Variants in IREB2 observed in about 807,000 individuals in gnomAD.
IREB2 encodes iron responsive element binding protein 2, also known as iron-responsive element-binding protein 2.
A neutral mutation model predicts 118.8 loss-of-function variants in IREB2; 39 were observed. The observed-to-expected ratio is 0.33, with a 90% CI of 0.25 to 0.43. The LOEUF (loss-of-function observed/expected upper bound fraction) is 0.43. Ranked by LOEUF, IREB2 falls within the 20% of genes least tolerant of loss-of-function variation. IREB2 has a pLI of 1.00. For missense variants in IREB2, 900 were observed against 1,147.3 expected, an observed-to-expected ratio of 0.78 and a Z score of 3.11; for synonymous variants, 372 against 392.2, an observed-to-expected ratio of 0.95 and a Z score of 0.61.
intron 8 of IREB2, chr15:78,475,484 A>C (rs1202925798): frequency 6.6e-6 from 1 of 152,204 alleles, no homozygotes; most frequent in Non-Finnish European, 1.5e-5. Context: ...TTAAATATAC[A>C]GTTTCATCAG....
rs371154744 is a variant in IREB2 at position 78,439,576 on chromosome 15, A to C, written c.20-219A>C. ...GCCCTGTGTGACTTTAAATTAATCA[A>C]AATTAAATAAATTAAAAATTCAGTT... On this transcript the variant is annotated intron_variant, in intron 1 of 21. Coordinates refer to ENST00000258886, the MANE Select transcript of IREB2 (RefSeq NM_004136.4). 9.3e-4 allele frequency among the ~76,000 whole-genome samples: 142 copies of C among 152,346 alleles called. 1 individual carries two copies. The highest frequency in any genetic ancestry group is 3.2e-3 in the African/African-American group (135 of 41,576).
chr15:78,471,948 T>G, intron 7 of IREB2, 24 bp downstream of exon 7: 1 of 1,482,258 alleles, frequency 6.7e-7, no homozygotes, highest in South Asian at 1.4e-5. Flanking sequence ...TAAATATATT[T>G]CATTTCTTTT....
chr15:78,445,236 C>T (rs2050910260), intron 2 of IREB2, among the ~76,000 whole-genome samples: 1 of 151,174 alleles, frequency 6.6e-6, no homozygotes, highest in Non-Finnish European at 1.5e-5. Context: ...CTCCTGGGTT[C>T]AAGTGATTCT....
chr15:78,491,373 CAA>C (rs2051747594), intron 18 of IREB2, among the ~76,000 whole-genome samples: 1 of 152,070 alleles, frequency 6.6e-6, no homozygotes, highest in African/African-American at 2.4e-5. Context: ...ACAATAGAGA[CAA>C]AGTTTTGTTA....
intron 8 of IREB2, chr15:78,474,713 A>C (rs1194665730): frequency 6.6e-6 from 1 of 151,974 alleles, no homozygotes; most frequent in Non-Finnish European, 1.5e-5. Context: ...TTTTGATGAG[A>C]GCAGCATTTG....
chr15:78,450,455 T>C (rs979859459), intron 2 of IREB2, among the ~76,000 whole-genome samples: 3 of 152,122 alleles, frequency 2.0e-5, no homozygotes, highest in African/African-American at 7.2e-5. Context: ...GAGAAGTATA[T>C]TGGTTTTGGC....
At chr15:78,492,977 G>A (rs2051776676) in intron 18 of IREB2, among the ~76,000 whole-genome samples, 1 of 152,092 alleles carries the variant, frequency 6.6e-6, no homozygotes, top group Admixed American at 6.6e-5. Context: ...GCAATCACTG[G>A]TAACATTCCA....
At chr15:78,458,564 C>T (rs2656064) in intron 2 of IREB2, among the ~76,000 whole-genome samples, 4,878 of 152,148 alleles carry the variant, frequency 0.032, 266 homozygotes, top group African/African-American at 0.11. Context: ...CATGAGCCAC[C>T]GTTCCCAGCT....
intron 2 of IREB2, among the ~76,000 whole-genome samples, chr15:78,446,609 A>G (rs988893713): frequency 6.6e-6 from 1 of 152,114 alleles, no homozygotes. Flanking sequence ...CACTTTGTAC[A>G]TGGCCTCAAA....
intron 2 of IREB2, among the ~76,000 whole-genome samples, chr15:78,444,347 A>G (rs1280882939): frequency 6.6e-6 from 1 of 152,236 alleles, no homozygotes; most frequent in Non-Finnish European, 1.5e-5. Context: ...ACTATGTTGA[A>G]TGAAGGGGAA....
chr15:78,462,966 C>T lies in IREB2; in HGVS notation c.151C>T (p.Arg51Ter). ...SIRVLLEAAVRNCDGFLMKKE... is the reference protein window; with the variant it reads ...SIRVLLEAAV ...ACGGGTCTTGTTGGAAGCTGCTGTA[C>T]GAAATTGTGATGGCTTTTTAATGAA... Residue 51 changes from arginine to a stop codon, truncating the protein, a stop_gained, in exon 3 of 22, where the codon CGA becomes TGA. Coordinates refer to ENST00000258886, the MANE Select transcript of IREB2 (RefSeq NM_004136.4). LOFTEE classifies it high-confidence loss of function. The T allele has an allele frequency of 6.2e-7, 1 of 1,612,452 alleles. No individual in the cohort carries two copies. Among genetic ancestry groups the T allele is most frequent in the Non-Finnish European group, 8.5e-7 (1 of 1,179,396 alleles).
intron 1 of IREB2, chr15:78,438,939 A>T (rs910838065): frequency 1.3e-5 from 2 of 152,492 alleles, no homozygotes; most frequent in African/African-American, 4.8e-5. Context: ...AAAGAGAAAA[A>T]AATACTATTC....
intron 2 of IREB2, among the ~76,000 whole-genome samples, chr15:78,440,541 A>AT (rs1474006918): frequency 6.6e-6 from 1 of 151,936 alleles, no homozygotes; most frequent in African/African-American, 2.4e-5. Flanking sequence ...ATATTTTTAT[A>AT]TTTTTTGTAG....
At chr15:78,486,349 G>A (rs2051659241) in intron 13 of IREB2, among the ~76,000 whole-genome samples, 1 of 152,212 alleles carries the variant, frequency 6.6e-6, no homozygotes, top group African/African-American at 2.4e-5. Flanking sequence ...GCTCACGCCT[G>A]TAATCCCAGC....
Position 78,462,820 on chromosome 15 carries a change from A to G in IREB2, c.107-102A>G, listed in dbSNP as rs554281423. ...AAAATGAATTGTTTAAATTGAGAAA[A>G]CAGTGCATTTTTGTCTTTGTCTAAC... On this transcript the variant is annotated intron_variant, in intron 2 of 21. Coordinates refer to ENST00000258886, the MANE Select transcript of IREB2 (RefSeq NM_004136.4). 115 of 811,528 alleles carry G rather than the reference A, an allele frequency of 1.4e-4. No homozygotes were observed. The African/African-American group carries it at 1.8e-3, about 13-fold the overall frequency. The allele number at this position is 811,528 out of a possible 1,614,324, so 50.3% of individuals were successfully genotyped here.
chr15:78,448,692 C>T lies in IREB2; in HGVS notation c.106+8811C>T, dbSNP rs560316812. Among the ~76,000 whole-genome samples the T allele has an allele frequency of 2.2e-4, 34 of 152,284 alleles. No individual in the cohort carries two copies. In the East Asian group the frequency reaches 5.8e-3, roughly 26 times the overall value. ...ACAGCTTCCTTATCTTTTCTCCAGGCCCCTAGCCTTCAGCAGGGTTAGCTT... is the reference window on the plus strand; with the variant it reads ...ACAGCTTCCTTATCTTTTCTCCAGGTCCCTAGCCTTCAGCAGGGTTAGCTT... On this transcript the variant is annotated intron_variant, in intron 2 of 21. Transcript: ENST00000258886.
chr15:78,466,546 A>G (rs2051286401), intron 5 of IREB2, 57 bp downstream of exon 5: 3 of 1,189,700 alleles, frequency 2.5e-6, no homozygotes, highest in Non-Finnish European at 3.5e-6. Flanking sequence ...CAGTTAAGAA[A>G]ATCAAATTTA....
At chr15:78,482,215 G>A (rs555961357) in intron 10 of IREB2, among the ~76,000 whole-genome samples, 9 of 152,326 alleles carry the variant, frequency 5.9e-5, no homozygotes, top group African/African-American at 2.2e-4. Context: ...GGGCAACAGA[G>A]TGAGACCCTT....
chr15:78,492,558 G>T (rs1277665196), intron 18 of IREB2, among the ~76,000 whole-genome samples: 1 of 149,996 alleles, frequency 6.7e-6, no homozygotes, highest in African/African-American at 2.5e-5. Context: ...AGGAAAGTTT[G>T]TCATTTGTTT....
Sources: allele counts gnomAD v4.1 joint callset (sites outside exome capture counted in the v4.1 genomes callset), GRCh38; gene constraint gnomAD v4.1.1; transcripts MANE v1.5; gene names NCBI Gene and HGNC (gene_info 2026-07-23, HGNC 2026-07-21).